CAST: variants seen among roughly 807,000 people sequenced by gnomAD.
CAST encodes the protein calpastatin, also known as MIR583 host.
CAST carries 76 observed loss-of-function variants against 119.6 expected under a neutral mutation model. The ratio of observed to expected loss-of-function variants is 0.64; its 90% CI spans 0.53 to 0.77. The LOEUF (loss-of-function observed/expected upper bound fraction) is 0.77. Ranked by LOEUF, CAST falls within the 30% of genes least tolerant of loss-of-function variation. The pLI is 0.00. For missense variants in CAST, 953 were observed against 946.5 expected, an observed-to-expected ratio of 1.01 and a Z score of -0.09; for synonymous variants, 319 against 331.6, an observed-to-expected ratio of 0.96 and a Z score of 0.41.
At chr5:96,295,279 G>A in the CAST span, among the ~76,000 whole-genome samples, 1 of 152,172 alleles carries the variant, frequency 6.6e-6, no homozygotes, top group Non-Finnish European at 1.5e-5. Context: ...GCCTGAGTGG[G>A]ATAAGCTGAT....
chr5:96,398,794 C>A, the CAST span: 2 of 1,120,774 alleles, frequency 1.8e-6, no homozygotes, highest in South Asian at 1.2e-5. Flanking sequence ...AGACTTTGTT[C>A]TATGAATAAA....
chr5:96,493,455 A>G, the CAST span, among the ~76,000 whole-genome samples: 2 of 152,120 alleles, frequency 1.3e-5, no homozygotes, highest in Admixed American at 6.5e-5. Context: ...CTTTTTCACT[A>G]ATTAAATTGC....
chr5:96,575,546 GCTAT>G lies in CAST; in HGVS notation c.60+45672_60+45675del, dbSNP rs146306933. On this transcript the variant is annotated intron_variant, in intron 1 of 11. Transcript: ENST00000505143. Reference sequence around the variant, plus strand: ...TGTCAGCTGTAAGATTTTTGTAGATGCTATCTATCAAAATGTGGTAATTCTCCTC... The same window carrying G: ...TGTCAGCTGTAAGATTTTTGTAGATGCTATCAAAATGTGGTAATTCTCCTC... Among the ~76,000 whole-genome samples, 1,386 of 151,980 alleles carry G rather than the reference GCTAT, an allele frequency of 9.1e-3. 19 individuals are homozygous for G. Among genetic ancestry groups the G allele is most frequent in the African/African-American group, 0.032 (1,326 of 41,470 alleles).
rs1028326629 is a variant in CAST, at chr5:96,566,475, C to T, written c.60+36595C>T. On this transcript the variant is annotated intron_variant, in intron 1 of 11. Coordinates refer to the CAST transcript ENST00000505143. ...GAAAACAACCAGAAGTGGTTCTCTC[C>T]CTTCTTCAAACAGGAGGAACCACAG... Among the ~76,000 whole-genome samples, 3 of 152,240 alleles carry T rather than the reference C, an allele frequency of 2.0e-5. No individual in the cohort carries two copies. The East Asian group carries it at 5.8e-4, about 29-fold the overall frequency.
At chr5:96,258,087 A>AT in the CAST span, among the ~76,000 whole-genome samples, 1 of 152,174 alleles carries the variant, frequency 6.6e-6, no homozygotes, top group Non-Finnish European at 1.5e-5. Flanking sequence ...TGAAAAAAAA[A>AT]GAAAAAGGAA....
At chr5:96,238,332 T>A in the CAST span, among the ~76,000 whole-genome samples, 6 of 43,076 alleles carry the variant, frequency 1.4e-4, no homozygotes, top group African/African-American at 1.2e-4. Context: ...CTTCTTCTTC[T>A]TCTTCTTCTT....
the CAST span, among the ~76,000 whole-genome samples, chr5:96,011,774 T>G: frequency 6.6e-6 from 1 of 152,092 alleles, no homozygotes; most frequent in Non-Finnish European, 1.5e-5. Context: ...ACTAATGAAT[T>G]GTAAGTCATT....
the CAST span, among the ~76,000 whole-genome samples, chr5:96,326,010 C>T: frequency 4.3e-3 from 649 of 152,300 alleles, 5 homozygotes; most frequent in African/African-American, 0.014. Flanking sequence ...CTATTCCCAA[C>T]GGAATACCTT....
the CAST span, among the ~76,000 whole-genome samples, chr5:96,378,242 C>T: frequency 4.6e-4 from 70 of 152,042 alleles, no homozygotes; most frequent in Non-Finnish European, 7.1e-4. Flanking sequence ...AATTCTGGAG[C>T]TCTAACGTAC....
the CAST span, among the ~76,000 whole-genome samples, chr5:96,045,725 A>G: frequency 6.6e-6 from 1 of 152,216 alleles, no homozygotes; most frequent in African/African-American, 2.4e-5. Context: ...GCTGAAGGTC[A>G]CATAGTAAAT....
chr5:96,662,322 T>TTCC, upstream of CAST: 7 of 567,040 alleles, frequency 1.2e-5, no homozygotes, highest in East Asian at 5.5e-5. Flanking sequence ...GGCCCTCCGC[T>TTCC]CCCTCCCTCC....
chr5:96,765,161 A>C, intron 25 of CAST, 60 bp from the exon 26 acceptor site: 1 of 950,500 alleles, frequency 1.1e-6, no homozygotes, highest in Non-Finnish European at 1.7e-6. Context: ...TTCCTGGGCT[A>C]ATTTGCCTCT....
At chr5:96,159,376 C>T in the CAST span, among the ~76,000 whole-genome samples, 35 of 152,238 alleles carry the variant, frequency 2.3e-4, no homozygotes, top group African/African-American at 7.5e-4. Context: ...CTATTTTCTC[C>T]GTATTAACTT....
chr5:96,243,149 A>G, the CAST span, among the ~76,000 whole-genome samples: 3 of 151,848 alleles, frequency 2.0e-5, no homozygotes, highest in Non-Finnish European at 4.4e-5. Flanking sequence ...TTCCCATTAT[A>G]ATAGTATGAT....
At chr5:96,537,503 G>A (rs1401070369) in intron 1 of CAST, among the ~76,000 whole-genome samples, 3 of 152,044 alleles carry the variant, frequency 2.0e-5, no homozygotes, top group Non-Finnish European at 4.4e-5. Context: ...CTTGAGATGA[G>A]AACTTTTTAT....
In CAST at chr5:96,770,707, A is replaced by G. The variant is rs1771984562; in HGVS notation, c.2340+105A>G. On this transcript the variant is annotated intron_variant, in intron 30 of 31. Transcript: ENST00000675179. ...CCTACTGGAATCTATTTAGAATAAAATTTCTTAAAGTACTATCTATCCCAT... is the reference window on the plus strand; with the variant it reads ...CCTACTGGAATCTATTTAGAATAAAGTTTCTTAAAGTACTATCTATCCCAT... 3 of 776,618 alleles carry G rather than the reference A, an allele frequency of 3.9e-6. No individual in the cohort carries two copies. The African/African-American group carries it at 5.2e-5, about 13-fold the overall frequency. 48.1% of individuals were successfully genotyped at this position (776,618 alleles called of 1,614,324 possible). A position where few individuals can be genotyped will look rare whatever the true frequency, so the allele number is the denominator to read the frequency against.
intron 9 of CAST, among the ~76,000 whole-genome samples, chr5:96,733,338 A>C (rs1290165666): frequency 6.6e-6 from 1 of 152,252 alleles, no homozygotes; most frequent in East Asian, 1.9e-4. Flanking sequence ...ATAGATTTTT[A>C]AATGTAATCA....
chr5:96,588,030 A>G (rs1160384554), intron 1 of CAST, among the ~76,000 whole-genome samples: 1 of 152,122 alleles, frequency 6.6e-6, no homozygotes, highest in Non-Finnish European at 1.5e-5. Context: ...GTTTTGTTCC[A>G]TGATCCAGTC....
upstream of CAST, among the ~76,000 whole-genome samples, chr5:96,523,989 G>A (rs73150242): frequency 6.4e-3 from 981 of 152,300 alleles, 10 homozygotes; most frequent in African/African-American, 0.022. Flanking sequence ...CTACAAGGAA[G>A]AAAACAAGAG....
Sources: gnomAD v4.1 joint callset for allele counts (sites outside exome capture counted in the v4.1 genomes callset) on GRCh38, gnomAD v4.1.1 for gene constraint, MANE v1.5 for transcripts, NCBI Gene and HGNC (gene_info 2026-07-23, HGNC 2026-07-21) for gene names.